Variants in PKNOX2 observed in about 807,000 individuals in gnomAD.
The protein encoded by PKNOX2 is homeobox protein PKNOX2.
Under a neutral mutation model 53.1 loss-of-function variants are expected in PKNOX2, and 14 were observed. The observed-to-expected ratio is 0.26, with a 90% confidence interval of 0.17 to 0.41. PKNOX2 has a LOEUF of 0.41. PKNOX2 is among the 10% of genes least tolerant of loss of function. The pLI is 1.00. For synonymous variants in PKNOX2, 257 were observed against 242.8 expected (o/e 1.06, Z -0.54); for missense variants, 496 against 602.8 (o/e 0.82, Z 1.85).
intron 6 of PKNOX2, among the ~76,000 whole-genome samples, chr11:125,389,440 G>A (rs190240603): frequency 9.3e-4 from 142 of 152,254 alleles, no homozygotes; most frequent in Admixed American, 8.6e-3. Context: ...CAGGGGACGC[G>A]GGTGGCTTTC....
intron 10 of PKNOX2, among the ~76,000 whole-genome samples, chr11:125,426,443 G>C (rs1157573499): frequency 1.3e-5 from 2 of 152,232 alleles, no homozygotes; most frequent in African/African-American, 4.8e-5. Flanking sequence ...CCAGCACCCA[G>C]GATGCGGCAG....
chr11:125,280,944 G>C (rs1946517712), intron 2 of PKNOX2, among the ~76,000 whole-genome samples: 3 of 152,200 alleles, frequency 2.0e-5, no homozygotes. Context: ...AGGGTGTCCA[G>C]GTGGAGGTTT....
intron 2 of PKNOX2, among the ~76,000 whole-genome samples, chr11:125,264,926 G>T (rs1290673959): frequency 6.6e-6 from 1 of 152,164 alleles, no homozygotes; most frequent in Non-Finnish European, 1.5e-5. Context: ...GGGCTCTGGG[G>T]GCGTAAAGAA....
intron 1 of PKNOX2, among the ~76,000 whole-genome samples, chr11:125,174,203 C>T (rs1404380280): frequency 1.3e-5 from 2 of 152,104 alleles, no homozygotes; most frequent in South Asian, 2.1e-4. Context: ...GTGTATGCCC[C>T]GGGCCCAGGG....
intron 1 of PKNOX2, among the ~76,000 whole-genome samples, chr11:125,203,945 T>A (rs1014780714): frequency 3.9e-5 from 6 of 152,160 alleles, no homozygotes; most frequent in African/African-American, 1.4e-4. Context: ...ACTTTCACCA[T>A]CTGAGTAGAG....
intron 1 of PKNOX2, among the ~76,000 whole-genome samples, chr11:125,175,192 C>T (rs779613001): frequency 2.1e-5 from 3 of 145,424 alleles, no homozygotes; most frequent in Admixed American, 6.9e-5. Flanking sequence ...AAAGTCATTT[C>T]CACTGGGTTT....
At chr11:125,267,862 C>T (rs1945482378) in intron 2 of PKNOX2, among the ~76,000 whole-genome samples, 1 of 152,154 alleles carries the variant, frequency 6.6e-6, no homozygotes, top group Non-Finnish European at 1.5e-5. Context: ...TGTCTTCGAT[C>T]AGAGGCCTGA....
chr11:125,347,062 T>G (rs562706754), intron 3 of PKNOX2, among the ~76,000 whole-genome samples: 2 of 151,596 alleles, frequency 1.3e-5, no homozygotes, highest in South Asian at 4.2e-4. Flanking sequence ...CCAGAGGGAG[T>G]GGGCGGAATG....
chr11:125,373,697 A>G (rs761347019), intron 5 of PKNOX2, among the ~76,000 whole-genome samples: 2 of 152,222 alleles, frequency 1.3e-5, no homozygotes, highest in African/African-American at 2.4e-5. Context: ...TCTTCACTCT[A>G]CAATTCAATT....
intron 1 of PKNOX2, among the ~76,000 whole-genome samples, chr11:125,219,757 A>G (rs1402742740): frequency 6.6e-6 from 1 of 152,214 alleles, no homozygotes; most frequent in Non-Finnish European, 1.5e-5. Flanking sequence ...AAAAAATTTG[A>G]TATCGCATTC....
intron 10 of PKNOX2, among the ~76,000 whole-genome samples, chr11:125,414,095 T>C (rs934943977): frequency 6.6e-6 from 1 of 152,132 alleles, no homozygotes; most frequent in Non-Finnish European, 1.5e-5. Flanking sequence ...ATCTCCTTCC[T>C]TGTGAGCCTC....
chr11:125,350,822 C>T (rs1257566821), intron 3 of PKNOX2, among the ~76,000 whole-genome samples: 1 of 152,148 alleles, frequency 6.6e-6, no homozygotes, highest in Non-Finnish European at 1.5e-5. Flanking sequence ...CTGAGGCCCT[C>T]CTGCCCCTGT....
At chr11:125,177,560 G>T (rs1299418588) in intron 1 of PKNOX2, among the ~76,000 whole-genome samples, 1 of 152,188 alleles carries the variant, frequency 6.6e-6, no homozygotes, top group African/African-American at 2.4e-5. Flanking sequence ...AATGAGAGTA[G>T]CAATGTCCCT....
rs115052975 is a variant in PKNOX2, at chr11:125,203,373, G to A, written c.-200-31672G>A. On this transcript the variant is annotated intron_variant, in intron 1 of 12. Coordinates refer to ENST00000298282, the MANE Select transcript of PKNOX2 (RefSeq NM_001382323.2). ...TCCTCCTGCCTGGCCTCCCAAGTAT[G>A]GGGATTATAGGCATGAGCCACCATG... Among the ~76,000 whole-genome samples, 1,154 of 152,352 alleles carry A rather than the reference G, an allele frequency of 7.6e-3. 12 individuals are homozygous for A. The highest frequency in any genetic ancestry group is 0.026 in the African/African-American group (1,097 of 41,572).
At chr11:125,314,860 A>G (rs1949059907) in intron 2 of PKNOX2, among the ~76,000 whole-genome samples, 1 of 152,170 alleles carries the variant, frequency 6.6e-6, no homozygotes, top group Non-Finnish European at 1.5e-5. Context: ...AGCCTCCTTA[A>G]GGGAAAAGGA....
intron 2 of PKNOX2, among the ~76,000 whole-genome samples, chr11:125,320,825 C>T (rs1394734301): frequency 2.0e-5 from 3 of 152,184 alleles, no homozygotes; most frequent in African/African-American, 4.8e-5. Context: ...AAACAGTTAA[C>T]CCTTAGGAGG....
chr11:125,385,150 C>T (rs1269756955), intron 5 of PKNOX2, among the ~76,000 whole-genome samples: 2 of 152,212 alleles, frequency 1.3e-5, no homozygotes, highest in South Asian at 4.1e-4. Flanking sequence ...GGATCTATGA[C>T]CTACCACGAA....
At chr11:125,341,529 G>T (rs1212090113) in intron 3 of PKNOX2, among the ~76,000 whole-genome samples, 1 of 152,196 alleles carries the variant, frequency 6.6e-6, no homozygotes, top group African/African-American at 2.4e-5. Context: ...TTGTCTGCTG[G>T]GGGGAACAGG....
chr11:125,365,143 C>T (rs1315457548), intron 4 of PKNOX2, among the ~76,000 whole-genome samples: 1 of 151,992 alleles, frequency 6.6e-6, no homozygotes, highest in Non-Finnish European at 1.5e-5. Context: ...CTCATGTTTC[C>T]CCTTCTCACC....
Sources: gnomAD v4.1 joint callset for allele counts (sites outside exome capture counted in the v4.1 genomes callset) on GRCh38, gnomAD v4.1.1 for gene constraint, MANE v1.5 for transcripts, NCBI Gene and HGNC (gene_info 2026-07-23, HGNC 2026-07-21) for gene names.